The following ZNF684 variants were observed in gnomAD, a reference collection of about 807,000 sequenced individuals.
ZNF684 encodes the protein zinc finger protein 684, also known as hypothetical protein MGC27466.
Under a neutral mutation model 12.8 loss-of-function variants are expected in ZNF684, and 13 were observed. That is an observed-to-expected ratio of 1.02 (90% CI 0.66 to 1.62). The LOEUF (loss-of-function observed/expected upper bound fraction) is 1.62, where lower values mean the gene tolerates loss of function less well. ZNF684 is among the 40% of genes most tolerant of loss of function. The probability of loss-of-function intolerance (pLI) is 0.00; values close to 1 mark genes in which losing one functional copy is unlikely to be tolerated. For missense variants in ZNF684, 384 were observed against 446.9 expected (o/e 0.86, Z 1.27); for synonymous variants, 118 against 151.8 (o/e 0.78, Z 1.64).
rs573378552 is a variant in ZNF684, at chr1:40,548,053, C to G, written c.*593C>G. The stretch of plus-strand genomic sequence containing the variant: ...TTTCCTATGTATGTAAATACCAGAA[C>G]AAAAAACAAGACACTAATTGAGGAG... On this transcript the variant is annotated 3_prime_UTR_variant, in exon 5 of 5. Coordinates refer to ENST00000372699, the MANE Select transcript of ZNF684 (RefSeq NM_152373.4). The G allele has an allele frequency of 6.6e-6, 1 of 152,086 alleles. No homozygotes were observed. The highest frequency in any genetic ancestry group is 2.1e-4 in the South Asian group (1 of 4,820). The allele number at this position is 152,086 out of a possible 1,614,324, so 9.4% of individuals were successfully genotyped here. A position where few individuals can be genotyped will look rare whatever the true frequency, so the allele number is the denominator to read the frequency against.
At chr1:40,533,088 T>C in intron 1 of ZNF684, 55 bp from the exon 2 acceptor site, 1 of 1,473,860 alleles carries the variant, frequency 6.8e-7, no homozygotes, top group East Asian at 2.3e-5. Context: ...CTACTTTGCA[T>C]GCAGTCCTGG....
At chr1:40,542,939 A>G (rs1273639497) in intron 4 of ZNF684, among the ~76,000 whole-genome samples, 1 of 152,252 alleles carries the variant, frequency 6.6e-6, no homozygotes, top group Non-Finnish European at 1.5e-5. Context: ...CATATCTTTC[A>G]AATGATTGAC....
At chr1:40,532,017 C>T (rs1257497222) in intron 1 of ZNF684, among the ~76,000 whole-genome samples, 2 of 152,156 alleles carry the variant, frequency 1.3e-5, no homozygotes, top group Non-Finnish European at 1.5e-5. Context: ...TGCATTCCTG[C>T]TCTTGTAGGT....
At chr1:40,545,515 T>C (rs1485577193) in intron 4 of ZNF684, among the ~76,000 whole-genome samples, 1 of 152,158 alleles carries the variant, frequency 6.6e-6, no homozygotes, top group East Asian at 1.9e-4. Flanking sequence ...AAAAAAATAA[T>C]AGCAAATAGA....
intron 4 of ZNF684, 55 bp from the exon 5 acceptor site, chr1:40,546,507 A>G (rs1646049382): frequency 6.8e-7 from 1 of 1,466,128 alleles, no homozygotes; most frequent in Non-Finnish European, 9.1e-7. Context: ...GTTTTTCTCT[A>G]TAGCATGTTG....
chr1:40,543,166 G>A (rs997275219), intron 4 of ZNF684, among the ~76,000 whole-genome samples: 1 of 152,182 alleles, frequency 6.6e-6, no homozygotes, highest in Admixed American at 6.5e-5. Flanking sequence ...ACAGTCCTCA[G>A]CTGAATTTTA....
At chr1:40,545,897 T>TTGCC (rs936921175) in intron 4 of ZNF684, among the ~76,000 whole-genome samples, 5 of 151,256 alleles carry the variant, frequency 3.3e-5, no homozygotes, top group Admixed American at 2.0e-4. Flanking sequence ...CTTAATCCCT[T>TTGCC]TGCCTTTGTC....
intron 2 of ZNF684, among the ~76,000 whole-genome samples, chr1:40,537,737 C>G (rs189735634): frequency 6.6e-6 from 1 of 151,030 alleles, no homozygotes; most frequent in Non-Finnish European, 1.5e-5. Flanking sequence ...AGCAAGACTC[C>G]GTCTCAAAAA....
intron 2 of ZNF684, among the ~76,000 whole-genome samples, chr1:40,534,160 A>C (rs1038284122): frequency 2.0e-5 from 3 of 151,212 alleles, no homozygotes; most frequent in African/African-American, 7.3e-5. Context: ...TAAACTTAAT[A>C]GGTTAATTTG....
intron 2 of ZNF684, among the ~76,000 whole-genome samples, chr1:40,538,040 A>AT (rs1296142187): frequency 2.0e-5 from 3 of 151,684 alleles, no homozygotes. Context: ...TTATTTATTT[A>AT]TTTTTTTGAG....
At position 40,547,212 on chromosome 1, in the gene ZNF684, A is replaced by G; in HGVS notation, c.889A>G (p.Lys297Glu). 1 of 1,614,212 alleles carries G rather than the reference A, an allele frequency of 6.2e-7. No homozygotes were observed. Among genetic ancestry groups the G allele is most frequent in the South Asian group, 1.1e-5 (1 of 91,092 alleles). The change falls in exon 5 of 5, where the codon AAA becomes GAA. Residue 297 changes from lysine (K) to glutamate (E), a missense_variant. Lys to Glu is a moderately conservative substitution (Grantham distance 56). Coordinates refer to ENST00000372699, the MANE Select transcript of ZNF684 (RefSeq NM_152373.4). ...YKHSRFHTGE[K>E]PYQCIICGKA... is the part of the protein sequence containing the mutation. ...ACATTCCAGATTTCATACAGGAGAG[A>G]AACCCTACCAGTGTATCATATGTGG...
At chr1:40,546,246 A>G (rs1238884685) in intron 4 of ZNF684, among the ~76,000 whole-genome samples, 4 of 151,966 alleles carry the variant, frequency 2.6e-5, no homozygotes, top group Non-Finnish European at 5.9e-5. Context: ...TGGTTGTCCT[A>G]TCCATTAATC....
At chr1:40,533,527 A>G (rs1050082811) in intron 2 of ZNF684, among the ~76,000 whole-genome samples, 14 of 152,248 alleles carry the variant, frequency 9.2e-5, no homozygotes, top group Admixed American at 2.6e-4. Flanking sequence ...GAGTTTTCAC[A>G]TAGATAACAT....
Position 40,547,346 on chromosome 1 carries a change from T to G in ZNF684, c.1023T>G (p.His341Gln). The G allele has an allele frequency of 1.2e-6, 2 of 1,613,930 alleles. No individual in the cohort carries two copies. The highest frequency in any genetic ancestry group is 1.7e-6 in the Non-Finnish European group (2 of 1,179,924). Residue 341 changes from histidine (H) to glutamine (Q), a missense_variant, in exon 5 of 5, where the codon CAT becomes CAG. Transcript: ENST00000372699. ...ECGKAFIKKS[H>Q]LLRHQITHTG... ...GCAAAGCCTTCATCAAGAAGTCCCATCTCCTCAGACATCAGATAACTCATA... is the reference window on the plus strand; with the variant it reads ...GCAAAGCCTTCATCAAGAAGTCCCAGCTCCTCAGACATCAGATAACTCATA...
chr1:40,538,458 T>C (rs1187170307), intron 2 of ZNF684, among the ~76,000 whole-genome samples: 1 of 152,264 alleles, frequency 6.6e-6, no homozygotes, highest in Admixed American at 6.5e-5. Context: ...GAATAACTCT[T>C]ACTATGAACA....
intron 2 of ZNF684, among the ~76,000 whole-genome samples, chr1:40,538,606 C>T (rs909139771): frequency 9.2e-5 from 14 of 152,008 alleles, no homozygotes; most frequent in Non-Finnish European, 1.5e-4. Context: ...GCCTGTAATC[C>T]CAGCACTTTG....
intron 2 of ZNF684, among the ~76,000 whole-genome samples, chr1:40,535,556 G>A (rs1319420396): frequency 6.6e-6 from 1 of 151,340 alleles, no homozygotes; most frequent in African/African-American, 2.4e-5. Flanking sequence ...TGCTCCCAGT[G>A]TTTCACCGTT....
Position 40,538,636 on chromosome 1 carries a change from T to C in ZNF684, c.16-1950T>C, listed in dbSNP as rs576253124. ...ACTTTGGGAGGCTGAGGCGGGTGGA[T>C]CACTTGAGGTCAGGAGTTTGAGAGC... is the stretch of plus-strand genomic sequence containing the variant. On this transcript the variant is annotated intron_variant, in intron 2 of 4. Coordinates refer to ENST00000372699, the MANE Select transcript of ZNF684 (RefSeq NM_152373.4). Among the ~76,000 whole-genome samples the C allele has an allele frequency of 7.9e-5, 12 of 152,036 alleles. No homozygotes were observed. In the South Asian group the frequency reaches 2.3e-3, roughly 29 times the overall value.
At position 40,538,191 on chromosome 1, in the gene ZNF684, G is replaced by A. The variant is rs192453760; in HGVS notation, c.16-2395G>A. Among the ~76,000 whole-genome samples the A allele has an allele frequency of 6.2e-3, 944 of 151,850 alleles. 3 individuals are homozygous for A. The highest frequency in any genetic ancestry group is 0.01 in the Non-Finnish European group (711 of 67,942). ...TTATTTTTGTAGAGACTGAGTCTTG[G>A]TATGTTGTCCAGGCTGGTCTCAAAC... On this transcript the variant is annotated intron_variant, in intron 2 of 4. Transcript: ENST00000372699.
Sources: allele counts gnomAD v4.1 joint callset (sites outside exome capture counted in the v4.1 genomes callset), GRCh38; gene constraint gnomAD v4.1.1; transcripts MANE v1.5; gene names NCBI Gene and HGNC (gene_info 2026-07-23, HGNC 2026-07-21).